LHFPL3: variants seen among roughly 807,000 people sequenced by gnomAD.
The protein encoded by LHFPL3 is LHFPL tetraspan subfamily member 3.
In LHFPL3, 5 loss-of-function variants were observed where a neutral mutation model predicts 19.3. The observed-to-expected ratio is 0.26, with a 90% confidence interval of 0.14 to 0.54. The LOEUF (loss-of-function observed/expected upper bound fraction) is 0.54, where lower values mean the gene tolerates loss of function less well. LHFPL3 is among the 20% of genes least tolerant of loss of function. The pLI is 0.94. For synonymous variants in LHFPL3, 133 were observed against 126.2 expected (o/e 1.05, Z -0.36); for missense variants, 249 against 307.4 (o/e 0.81, Z 1.42).
At chr7:104,346,974 G>A (rs1198094451) in intron 1 of LHFPL3, among the ~76,000 whole-genome samples, 1 of 149,908 alleles carries the variant, frequency 6.7e-6, no homozygotes, top group Non-Finnish European at 1.5e-5. Context: ...TTTGTGTGGT[G>A]GATACTTCTT....
chr7:104,647,041 A>T (rs1791947982), intron 1 of LHFPL3, among the ~76,000 whole-genome samples: 1 of 152,224 alleles, frequency 6.6e-6, no homozygotes, highest in South Asian at 2.1e-4. Context: ...GAAAGATGTC[A>T]GTAATACCTT....
Position 104,868,197 on chromosome 7 carries a change from C to T in LHFPL3, c.683-37990C>T, listed in dbSNP as rs528600754. Among the ~76,000 whole-genome samples, 20 of 152,240 alleles carry T rather than the reference C, an allele frequency of 1.3e-4. No individual in the cohort carries two copies. In the South Asian group the frequency reaches 4.1e-3, roughly 32 times the overall value. On this transcript the variant is annotated intron_variant, in intron 2 of 2. Coordinates refer to ENST00000424859, the MANE Select transcript of LHFPL3 (RefSeq NM_199000.3). ...ACAGGGATGCCCTCTCTCACCACTC[C>T]TATTCAACATAGTGTTGGAAGTTCT... is the stretch of plus-strand genomic sequence containing the variant.
intron 2 of LHFPL3, among the ~76,000 whole-genome samples, chr7:104,842,998 T>C (rs1166255246): frequency 6.6e-6 from 1 of 152,204 alleles, no homozygotes; most frequent in Non-Finnish European, 1.5e-5. Context: ...TCTGTGTCCT[T>C]GAAACAGTAC....
At chr7:104,875,394 T>A (rs752600451) in intron 2 of LHFPL3, among the ~76,000 whole-genome samples, 4 of 152,208 alleles carry the variant, frequency 2.6e-5, no homozygotes, top group Non-Finnish European at 4.4e-5. Context: ...AAACCAGCTC[T>A]GCACTCTCTG....
chr7:104,538,203 C>A (rs935929900), intron 1 of LHFPL3, among the ~76,000 whole-genome samples: 4 of 152,178 alleles, frequency 2.6e-5, no homozygotes, highest in Non-Finnish European at 5.9e-5. Context: ...CCCTTCTATT[C>A]CACAATGGCA....
In LHFPL3 at chr7:104,866,272, C is replaced by A. The variant is rs564747502; in HGVS notation, c.683-39915C>A. ...GGCTAAATGCTCCAATTAAAAGACA[C>A]AGACTGACAAATTGGATAAAGAGTC... On this transcript the variant is annotated intron_variant, in intron 2 of 2. Transcript: ENST00000424859. 2.0e-5 allele frequency among the ~76,000 whole-genome samples: 3 copies of A among 152,288 alleles called. No individual in the cohort carries two copies. In the South Asian group the frequency reaches 6.2e-4, roughly 32 times the overall value.
chr7:104,714,821 T>A (rs1169195749), intron 1 of LHFPL3, among the ~76,000 whole-genome samples: 3 of 152,216 alleles, frequency 2.0e-5, no homozygotes, highest in African/African-American at 4.8e-5. Flanking sequence ...CTCTAGCTTA[T>A]GCAACTGTTC....
At chr7:104,705,672 G>A (rs1793178344) in intron 1 of LHFPL3, among the ~76,000 whole-genome samples, 1 of 152,118 alleles carries the variant, frequency 6.6e-6, no homozygotes, top group African/African-American at 2.4e-5. Context: ...CAGGACTCTA[G>A]GGTTCCCCAG....
At chr7:104,393,888 G>C (rs181668879) in intron 1 of LHFPL3, among the ~76,000 whole-genome samples, 11 of 152,226 alleles carry the variant, frequency 7.2e-5, no homozygotes, top group African/African-American at 2.6e-4. Context: ...TATGAAATTT[G>C]TACAAAATGG....
intron 1 of LHFPL3, among the ~76,000 whole-genome samples, chr7:104,593,820 A>T (rs1465818529): frequency 6.6e-6 from 1 of 152,032 alleles, no homozygotes. Flanking sequence ...TTTTGAACCA[A>T]CAAAGTTGGT....
At chr7:104,713,085 T>A (rs1169588146) in intron 1 of LHFPL3, among the ~76,000 whole-genome samples, 1 of 152,214 alleles carries the variant, frequency 6.6e-6, no homozygotes, top group Non-Finnish European at 1.5e-5. Flanking sequence ...ATGGCTACTC[T>A]AGATTGTTCT....
chr7:104,338,100 T>C lies in LHFPL3; in HGVS notation c.445+8876T>C, dbSNP rs1013300868. ...ACCTTTATTTTCCTTTTTCTTTTTTTTTTTTTTTTTTTTTTTGAGACGGAG... is the reference window on the plus strand; with the variant it reads ...ACCTTTATTTTCCTTTTTCTTTTTTCTTTTTTTTTTTTTTTTGAGACGGAG... On this transcript the variant is annotated intron_variant, in intron 1 of 2. Transcript: ENST00000424859. 3.7e-5 allele frequency among the ~76,000 whole-genome samples: 5 copies of C among 133,770 alleles called. 1 individual carries two copies. The highest frequency in any genetic ancestry group is 3.2e-5 in the Non-Finnish European group (2 of 62,112). 87.8% of individuals were successfully genotyped at this position (133,770 alleles called of 152,430 possible).
chr7:104,767,490 C>T (rs1319368644), intron 2 of LHFPL3, among the ~76,000 whole-genome samples: 4 of 152,232 alleles, frequency 2.6e-5, no homozygotes, highest in African/African-American at 9.6e-5. Flanking sequence ...TATATAGTTT[C>T]TGGGTAAAGT....
At position 104,338,061 on chromosome 7, in the gene LHFPL3, AAG is replaced by A. The variant is rs898694118; in HGVS notation, c.445+8838_445+8839del. Among the ~76,000 whole-genome samples, 74 of 151,378 alleles carry A rather than the reference AAG, an allele frequency of 4.9e-4. 2 individuals are homozygous for A. Among genetic ancestry groups the A allele is most frequent in the South Asian group, 2.1e-4 (1 of 4,778 alleles). ...AAAATACGAATGCAAGGCATATAAA[AAG>A]GGTCTTATGATACCTTTATTTTCCT... On this transcript the variant is annotated intron_variant, in intron 1 of 2. Transcript: ENST00000424859.
intron 1 of LHFPL3, among the ~76,000 whole-genome samples, chr7:104,535,977 C>T (rs1027150928): frequency 1.3e-5 from 2 of 152,198 alleles, no homozygotes; most frequent in Non-Finnish European, 2.9e-5. Context: ...CAGTACAGCT[C>T]TCCCATCTGG....
chr7:104,880,383 A>G (rs1584594812), intron 2 of LHFPL3, among the ~76,000 whole-genome samples: 2 of 152,242 alleles, frequency 1.3e-5, no homozygotes, highest in East Asian at 3.9e-4. Context: ...ATGCTTGTAC[A>G]GCCTGCAGAA....
rs1289504209 is a variant in LHFPL3, at chr7:104,417,851, TTTCTAATTCTTCTTCTTC to T, written c.445+88632_445+88649del. On this transcript the variant is annotated intron_variant, in intron 1 of 2. Transcript: ENST00000424859. ...ATTTTTACTGTTATTCGTATTTTCT[TTTCTAATTCTTCTTCTTC>T]TTCTTCTTCTTCTTCTTTTTTTTTT... is the stretch of plus-strand genomic sequence containing the variant. Among the ~76,000 whole-genome samples the T allele has an allele frequency of 4.7e-5, 7 of 148,998 alleles. No individual in the cohort carries two copies. The East Asian group carries it at 1.3e-3, about 27-fold the overall frequency.
At chr7:104,708,459 A>G (rs1398975572) in intron 1 of LHFPL3, among the ~76,000 whole-genome samples, 1 of 152,158 alleles carries the variant, frequency 6.6e-6, no homozygotes, top group Admixed American at 6.5e-5. Flanking sequence ...TCAGCTTGAG[A>G]CTATAAATCA....
chr7:104,435,539 CTT>C (rs1246936126), intron 1 of LHFPL3, among the ~76,000 whole-genome samples: 1 of 147,716 alleles, frequency 6.8e-6, no homozygotes, highest in Non-Finnish European at 1.5e-5. Context: ...TATAAAATGA[CTT>C]TTATATTTTT....
Sources: gnomAD v4.1 joint callset for allele counts (sites outside exome capture counted in the v4.1 genomes callset) on GRCh38, gnomAD v4.1.1 for gene constraint, MANE v1.5 for transcripts, NCBI Gene and HGNC (gene_info 2026-07-23, HGNC 2026-07-21) for gene names.